The following ERICH6 variants were observed in gnomAD, a reference collection of about 807,000 sequenced individuals.
ERICH6 encodes glutamate-rich protein 6.
A neutral mutation model predicts 71.0 loss-of-function variants in ERICH6; 71 were observed. The observed-to-expected ratio is 1.00, with a 90% CI of 0.83 to 1.22. The LOEUF is 1.22. Among genes scored for constraint, ERICH6 ranks in the 50% most tolerant of loss-of-function variants. The pLI is 0.00. For synonymous variants in ERICH6, 262 were observed against 278.4 expected, an observed-to-expected ratio of 0.94 and a Z score of 0.59; for missense variants, 808 against 797.2, an observed-to-expected ratio of 1.01 and a Z score of -0.16.
intron 11 of ERICH6, among the ~76,000 whole-genome samples, chr3:150,672,877 T>C (rs1460472182): frequency 6.6e-6 from 1 of 151,766 alleles, no homozygotes; most frequent in Non-Finnish European, 1.5e-5. Flanking sequence ...TTTAAAAAAT[T>C]AGCCAGGTGT....
intron 11 of ERICH6, among the ~76,000 whole-genome samples, chr3:150,673,153 C>T (rs1034344673): frequency 6.0e-5 from 9 of 150,720 alleles, no homozygotes; most frequent in African/African-American, 1.2e-4. Context: ...TTCCTTCCTC[C>T]CTCCCTTCCA....
intron 3 of ERICH6, among the ~76,000 whole-genome samples, chr3:150,688,540 A>G (rs982034660): frequency 1.3e-5 from 2 of 152,186 alleles, no homozygotes; most frequent in African/African-American, 4.8e-5. Flanking sequence ...GGAAAGGAAA[A>G]TATATTGGGG....
chr3:150,681,436 C>T (rs952708958), intron 7 of ERICH6, among the ~76,000 whole-genome samples: 2 of 152,176 alleles, frequency 1.3e-5, no homozygotes, highest in African/African-American at 4.8e-5. Flanking sequence ...TTTTATTCAT[C>T]CATTCATCCA....
intron 10 of ERICH6, among the ~76,000 whole-genome samples, chr3:150,675,439 C>G (rs554359736): frequency 6.6e-6 from 1 of 152,150 alleles, no homozygotes; most frequent in Non-Finnish European, 1.5e-5. Context: ...ACTTCCACCC[C>G]CTGGGTTCAA....
intron 12 of ERICH6, among the ~76,000 whole-genome samples, chr3:150,667,733 A>G (rs1727477546): frequency 6.6e-6 from 1 of 152,048 alleles, no homozygotes; most frequent in South Asian, 2.1e-4. Flanking sequence ...CCCTCTTACC[A>G]TCCCCACCTT....
At chr3:150,681,314 G>A (rs191473999) in intron 7 of ERICH6, among the ~76,000 whole-genome samples, 2 of 152,236 alleles carry the variant, frequency 1.3e-5, no homozygotes, top group East Asian at 1.9e-4. Context: ...TTTATGTCTG[G>A]CCTCTTTCAC....
At chr3:150,689,660 CT>C (rs1201203829) in intron 3 of ERICH6, among the ~76,000 whole-genome samples, 1 of 151,980 alleles carries the variant, frequency 6.6e-6, no homozygotes, top group African/African-American at 2.4e-5. Context: ...AATCTTGTCC[CT>C]TTTTTTGAGC....
chr3:150,662,964 C>A (rs1727277050), intron 13 of ERICH6, among the ~76,000 whole-genome samples: 1 of 152,096 alleles, frequency 6.6e-6, no homozygotes, highest in Non-Finnish European at 1.5e-5. Flanking sequence ...GCCAGTATGG[C>A]TGGAACAGAA....
chr3:150,669,480 T>C, intron 11 of ERICH6, 29 bp from the exon 12 acceptor site: 2 of 1,606,256 alleles, frequency 1.2e-6, no homozygotes, highest in South Asian at 2.2e-5. Context: ...ATATAAATTG[T>C]TCTAATGCTC....
At chr3:150,676,053 CT>C in intron 10 of ERICH6, among the ~76,000 whole-genome samples, 1 of 151,448 alleles carries the variant, frequency 6.6e-6, no homozygotes, top group Non-Finnish European at 1.5e-5. Context: ...TTCTCTTCTT[CT>C]GGGATTTTGA....
At chr3:150,692,763 G>T (rs999361887) in intron 3 of ERICH6, among the ~76,000 whole-genome samples, 3 of 152,064 alleles carry the variant, frequency 2.0e-5, no homozygotes, top group South Asian at 2.1e-4. Context: ...GACTATGGCT[G>T]CCCTAAAACT....
chr3:150,672,886 G>A (rs1217839751), intron 11 of ERICH6, among the ~76,000 whole-genome samples: 1 of 151,846 alleles, frequency 6.6e-6, no homozygotes, highest in Non-Finnish European at 1.5e-5. Flanking sequence ...TTAGCCAGGT[G>A]TAGTGGTGCA....
In ERICH6 at chr3:150,685,766, GC is replaced by G; in HGVS notation, c.758del (p.Ser253ThrfsTer4). ...PPSILAYKEE[S>X]SNLGINFKDE... The stretch of plus-strand genomic sequence containing the variant: ...CCTTGAAGTTAATGCCTAAATTGGA[GC>G]TCTCTTCTTTGTATGCCAGAATGGA... On this transcript the variant is annotated frameshift_variant, in exon 6 of 14. Transcript: ENST00000295910. LOFTEE classifies it high-confidence loss of function. 1 of 1,613,666 alleles carries G rather than the reference GC, an allele frequency of 6.2e-7. No homozygotes were observed. Among genetic ancestry groups the G allele is most frequent in the Non-Finnish European group, 8.5e-7 (1 of 1,179,864 alleles).
chr3:150,702,625 G>A (rs529256719), intron 1 of ERICH6, among the ~76,000 whole-genome samples: 106 of 152,144 alleles, frequency 7.0e-4, no homozygotes, highest in African/African-American at 2.5e-3. Flanking sequence ...GCACAGCCAC[G>A]GGTAGAGGAC....
At chr3:150,699,912 A>C (rs1321772091) in intron 2 of ERICH6, among the ~76,000 whole-genome samples, 2 of 135,862 alleles carry the variant, frequency 1.5e-5, no homozygotes, top group African/African-American at 5.4e-5. Context: ...AATGTTATTA[A>C]AGATGGAGAA....
Position 150,686,010 on chromosome 3 carries a change from T to C in ERICH6, c.622A>G (p.Ile208Val). The C allele has an allele frequency of 6.2e-7, 1 of 1,603,012 alleles. No individual in the cohort carries two copies. Among genetic ancestry groups the C allele is most frequent in the Non-Finnish European group, 8.5e-7 (1 of 1,169,920 alleles). ...TTTAGTTTCGACTCTTCTGGATTAA[T>C]TACCCATTTTTCTGGAGAGAAAGAA... Reference protein sequence around the residue: ...LASKLREKWVINPEESKLNIL... With the variant: ...LASKLREKWVVNPEESKLNIL... Residue 208 changes from isoleucine to valine, a missense_variant, in exon 5 of 14, where the codon ATT (isoleucine) becomes GTT (valine). Ile to Val is a conservative substitution (Grantham distance 29). Transcript: ENST00000295910.
rs1362551350 is a variant in ERICH6, at chr3:150,666,859, T to C, written c.1656A>G (p.Glu552=). ...GAAAAGTTATAGAAATCTTGTCTTG[T>C]TCTAAGATGCGGACTCCAATATAAC... ...LNRYIGVRIL[E]QDKISITFLA... Residue 552 remains glutamate (E), a synonymous_variant, in exon 13 of 14, where the codon GAA becomes GAG. Transcript: ENST00000295910. The C allele has an allele frequency of 1.2e-6, 2 of 1,614,192 alleles. No individual in the cohort carries two copies. Among genetic ancestry groups the C allele is most frequent in the Non-Finnish European group, 1.7e-6 (2 of 1,180,040 alleles).
chr3:150,678,257 G>T, intron 10 of ERICH6, 152 bp downstream of exon 10: 2 of 618,934 alleles, frequency 3.2e-6, no homozygotes, highest in Non-Finnish European at 5.1e-6. Context: ...TTGTTATAAA[G>T]TCTAGCAGAA....
chr3:150,686,137 C>G, intron 4 of ERICH6, 116 bp from the exon 5 acceptor site: 2 of 1,186,820 alleles, frequency 1.7e-6, no homozygotes, highest in South Asian at 1.3e-5. Flanking sequence ...CACGCACACA[C>G]TGTTCAGATG....
Sources: gnomAD v4.1 joint callset for allele counts (sites outside exome capture counted in the v4.1 genomes callset) on GRCh38, gnomAD v4.1.1 for gene constraint, MANE v1.5 for transcripts, NCBI Gene and HGNC (gene_info 2026-07-23, HGNC 2026-07-21) for gene names.